Variants in TMTC1 observed in about 807,000 individuals in gnomAD.
The protein encoded by TMTC1 is transmembrane O-mannosyltransferase targeting cadherins 1.
TMTC1 carries 73 observed loss-of-function variants against 104.8 expected under a neutral mutation model. The observed-to-expected ratio is 0.70, with a 90% CI of 0.58 to 0.85. The LOEUF (loss-of-function observed/expected upper bound fraction) is 0.85, where lower values mean the gene tolerates loss of function less well. Ranked by LOEUF, TMTC1 falls within the 40% of genes least tolerant of loss-of-function variation. The pLI, the probability that TMTC1 is intolerant of heterozygous loss-of-function variation, is 0.00. For missense variants in TMTC1, 1,035 were observed against 1,096.1 expected, an observed-to-expected ratio of 0.94 and a Z score of 0.79; for synonymous variants, 434 against 428.7, an observed-to-expected ratio of 1.01 and a Z score of -0.15.
chr12:29,513,603 TTCCTATAATATATTTAGTATAATTTTATG>T (rs1943900743), intron 16 of TMTC1, among the ~76,000 whole-genome samples: 1 of 152,226 alleles, frequency 6.6e-6, no homozygotes, highest in Non-Finnish European at 1.5e-5. Context: ...GATTTTACTT[TTCCTATAATATATTTAGTATAATTTTATG>T]ACTTCAATAA....
chr12:29,655,555 A>C (rs527434335), intron 5 of TMTC1, among the ~76,000 whole-genome samples: 1 of 152,320 alleles, frequency 6.6e-6, no homozygotes, highest in South Asian at 2.1e-4. Flanking sequence ...TTTGTCACAT[A>C]ATGTTCTACA....
chr12:29,618,746 C>G (rs1451923992), intron 6 of TMTC1, among the ~76,000 whole-genome samples: 1 of 152,062 alleles, frequency 6.6e-6, no homozygotes, highest in African/African-American at 2.4e-5. Context: ...CTGCTTTTAT[C>G]TCTGGGACTC....
At chr12:29,650,943 C>A (rs576592200) in intron 5 of TMTC1, among the ~76,000 whole-genome samples, 1 of 152,198 alleles carries the variant, frequency 6.6e-6, no homozygotes, top group Non-Finnish European at 1.5e-5. Flanking sequence ...TTCAACATTT[C>A]TTGTTGTTGT....
At chr12:29,511,944 G>T (rs7315323) in intron 17 of TMTC1, 99 bp downstream of exon 17, 4 of 1,182,582 alleles carry the variant, frequency 3.4e-6, no homozygotes, top group Non-Finnish European at 3.8e-6. Flanking sequence ...ATTTCAAAAA[G>T]GAAATTAACA....
intron 9 of TMTC1, among the ~76,000 whole-genome samples, chr12:29,570,535 C>T (rs541304140): frequency 1.4e-4 from 21 of 152,248 alleles, no homozygotes; most frequent in African/African-American, 5.1e-4. Context: ...AACTTGATAT[C>T]TACGGTTTAA....
intron 6 of TMTC1, among the ~76,000 whole-genome samples, chr12:29,617,611 C>A (rs971635018): frequency 1.3e-5 from 2 of 149,814 alleles, no homozygotes; most frequent in African/African-American, 2.5e-5. Flanking sequence ...GAGAAAGAGA[C>A]CACGAGAAAG....
chr12:29,512,258 G>A lies in TMTC1; in HGVS notation c.2431-138C>T, dbSNP rs1943860985. ...CCGCTACTAGTTCACAGGAGACCCT[G>A]CTTATTTCTATTATTTTTCAAAGTT... is the stretch of plus-strand genomic sequence containing the variant. On this transcript the variant is annotated intron_variant, in intron 16 of 17. Coordinates refer to ENST00000539277, the MANE Select transcript of TMTC1 (RefSeq NM_001193451.2). 4 of 591,324 alleles carry A rather than the reference G, an allele frequency of 6.8e-6. No individual in the cohort carries two copies. In the East Asian group the frequency reaches 1.2e-4, roughly 17 times the overall value. 36.6% of individuals were successfully genotyped at this position (591,324 alleles called of 1,614,324 possible). A position where few individuals can be genotyped will look rare whatever the true frequency, so the allele number is the denominator to read the frequency against.
intron 5 of TMTC1, among the ~76,000 whole-genome samples, chr12:29,639,978 G>C (rs962955298): frequency 5.9e-5 from 9 of 152,232 alleles, no homozygotes; most frequent in Non-Finnish European, 1.2e-4. Context: ...TCCCCCAGTG[G>C]AATGGATCAT....
chr12:29,711,801 C>T (rs947166347), intron 5 of TMTC1, among the ~76,000 whole-genome samples: 5 of 151,812 alleles, frequency 3.3e-5, no homozygotes, highest in Non-Finnish European at 5.9e-5. Context: ...GTCAGGAGAT[C>T]GAGACCATCC....
At chr12:29,520,049 C>A (rs949241953) in intron 12 of TMTC1, among the ~76,000 whole-genome samples, 1 of 152,156 alleles carries the variant, frequency 6.6e-6, no homozygotes, top group Non-Finnish European at 1.5e-5. Context: ...AGTACAGAGG[C>A]ACTACATAAG....
At chr12:29,615,159 G>A (rs1946945045) in intron 6 of TMTC1, among the ~76,000 whole-genome samples, 1 of 152,218 alleles carries the variant, frequency 6.6e-6, no homozygotes, top group African/African-American at 2.4e-5. Context: ...CTGGTGGCCT[G>A]TGGCAATTAA....
intron 5 of TMTC1, among the ~76,000 whole-genome samples, chr12:29,649,081 C>T (rs1197116147): frequency 6.6e-6 from 1 of 152,146 alleles, no homozygotes; most frequent in East Asian, 1.9e-4. Context: ...TAGATTCCCA[C>T]TCCAACCCCA....
rs961378503 is a variant in TMTC1, at chr12:29,613,915, T to C, written c.1129-9616A>G. 7 of 978,798 alleles carry C rather than the reference T, an allele frequency of 7.2e-6. No individual in the cohort carries two copies. The African/African-American group carries it at 8.8e-5, about 12-fold the overall frequency. 60.6% of individuals were successfully genotyped at this position (978,798 alleles called of 1,614,324 possible). A position where few individuals can be genotyped will look rare whatever the true frequency, so the allele number is the denominator to read the frequency against. ...ACAAAGCAAGTCACACTCACCAAAA[T>C]GCATGATTCATCTATCCACTTGGAA... On this transcript the variant is annotated intron_variant, in intron 6 of 17. Coordinates refer to ENST00000539277, the MANE Select transcript of TMTC1 (RefSeq NM_001193451.2).
At chr12:29,736,113 A>G (rs1436045209) in intron 5 of TMTC1, among the ~76,000 whole-genome samples, 1 of 152,118 alleles carries the variant, frequency 6.6e-6, no homozygotes, top group Non-Finnish European at 1.5e-5. Context: ...CATAATTTAC[A>G]TGAGATCGTT....
chr12:29,506,945 T>A lies in TMTC1; in HGVS notation c.2550A>T (p.Leu850Phe). Residue 850 changes from leucine to phenylalanine, a missense_variant, in exon 18 of 18, where the codon TTA becomes TTT. Leu to Phe is a conservative substitution (Grantham distance 22). Coordinates refer to ENST00000539277, the MANE Select transcript of TMTC1 (RefSeq NM_001193451.2). ...GCAGTTTGCTGTCTGGAACCAGCTGTAAGGCTCTCTCATAATAAGCTCTTG... is the reference window on the plus strand; with the variant it reads ...GCAGTTTGCTGTCTGGAACCAGCTGAAAGGCTCTCTCATAATAAGCTCTTG... ...VSARAYYERA[L>F]QLVPDSKLLK... 6.2e-7 allele frequency: 1 copy of A among 1,613,910 alleles called. No individual in the cohort carries two copies.
chr12:29,538,671 T>G (rs73263832), intron 10 of TMTC1, among the ~76,000 whole-genome samples: 4,576 of 152,260 alleles, frequency 0.03, 209 homozygotes, highest in African/African-American at 0.1. Flanking sequence ...TCTATGAACC[T>G]AAATGCTTGA....
intron 8 of TMTC1, among the ~76,000 whole-genome samples, chr12:29,575,440 A>C (rs965397609): frequency 9.9e-5 from 15 of 151,962 alleles, no homozygotes; most frequent in East Asian, 3.9e-4. Flanking sequence ...CCGTTGGGGA[A>C]GTATGTTAAG....
intron 11 of TMTC1, among the ~76,000 whole-genome samples, chr12:29,529,596 T>C (rs978881685): frequency 6.6e-6 from 1 of 152,190 alleles, no homozygotes; most frequent in African/African-American, 2.4e-5. Context: ...TAAACTCATG[T>C]CAACGACTTC....
chr12:29,629,607 C>A (rs1938192059), intron 6 of TMTC1, among the ~76,000 whole-genome samples: 1 of 152,092 alleles, frequency 6.6e-6, no homozygotes, highest in Non-Finnish European at 1.5e-5. Flanking sequence ...ATATTCTATA[C>A]CCAGAATAGG....
Sources: allele counts gnomAD v4.1 joint callset (sites outside exome capture counted in the v4.1 genomes callset), GRCh38; gene constraint gnomAD v4.1.1; transcripts MANE v1.5; gene names NCBI Gene and HGNC (gene_info 2026-07-23, HGNC 2026-07-21).